C5: variants seen among roughly 807,000 people sequenced by gnomAD.
C5 encodes the protein complement C5, also known as C3 and PZP-like alpha-2-macroglobulin domain-containing protein 4.
C5 carries 140 observed loss-of-function variants against 218.8 expected under a neutral mutation model. The observed-to-expected ratio is 0.64, with a 90% confidence interval of 0.56 to 0.74. The LOEUF is 0.74. C5 is among the 30% of genes least tolerant of loss of function. The pLI is 0.00. For synonymous variants in C5, 614 were observed against 682.3 expected, an observed-to-expected ratio of 0.90 and a Z score of 1.56; for missense variants, 1,700 against 1,969.6, an observed-to-expected ratio of 0.86 and a Z score of 2.59.
intron 4 of C5, 109 bp downstream of exon 4, chr9:121,037,772 A>G (rs2047541128): frequency 1.7e-6 from 1 of 577,406 alleles, no homozygotes; most frequent in Non-Finnish European, 3.2e-6. Flanking sequence ...TTCAATAACC[A>G]TTTATGGAAC....
intron 17 of C5, among the ~76,000 whole-genome samples, chr9:121,011,490 G>C (rs2047261584): frequency 6.6e-6 from 1 of 152,116 alleles, no homozygotes; most frequent in Admixed American, 6.6e-5. Flanking sequence ...TGCTGGAGGG[G>C]ATGTGGAGAA....
chr9:121,044,547 T>C (rs1249724269), intron 2 of C5, among the ~76,000 whole-genome samples: 1 of 152,168 alleles, frequency 6.6e-6, no homozygotes, highest in Non-Finnish European at 1.5e-5. Flanking sequence ...TAGCACGTAA[T>C]AAATGAGATT....
chr9:120,994,093 T>G (rs2047098115), intron 22 of C5, among the ~76,000 whole-genome samples: 1 of 152,050 alleles, frequency 6.6e-6, no homozygotes, highest in African/African-American at 2.4e-5. Flanking sequence ...AAGCATTGAG[T>G]CTCTGTGTTT....
chr9:121,043,700 C>CTTTTTTTTTTT (rs34794535), intron 2 of C5, among the ~76,000 whole-genome samples: 3 of 120,662 alleles, frequency 2.5e-5, no homozygotes, highest in South Asian at 2.8e-4. Flanking sequence ...GTCCAGCTAA[C>CTTTTTTTTTTT]TTTTTTTTTT....
intron 3 of C5, among the ~76,000 whole-genome samples, chr9:121,039,148 G>C (rs2131811722): frequency 6.6e-6 from 1 of 152,236 alleles, no homozygotes; most frequent in African/African-American, 2.4e-5. Context: ...TAGTGTCCTT[G>C]TGAGAATTAA....
At chr9:120,973,613 T>C (rs1265626631) in intron 30 of C5, among the ~76,000 whole-genome samples, 1 of 152,264 alleles carries the variant, frequency 6.6e-6, no homozygotes, top group Non-Finnish European at 1.5e-5. Flanking sequence ...TGTTGGCATA[T>C]ATCTATGTCT....
At chr9:121,018,783 AAGGAAGGAAGGAAGG>A (rs2047338068) in intron 12 of C5, among the ~76,000 whole-genome samples, 1 of 149,412 alleles carries the variant, frequency 6.7e-6, no homozygotes, top group African/African-American at 2.5e-5. Context: ...GGAAGGAAGG[AAGGAAGGAAGGAAGG>A]AAGAAAGAGT....
At chr9:121,006,727 T>A (rs1004957136) in intron 19 of C5, among the ~76,000 whole-genome samples, 177 bp downstream of exon 19, 1 of 151,938 alleles carries the variant, frequency 6.6e-6, no homozygotes, top group African/African-American at 2.4e-5. Context: ...AAAGGAGAAA[T>A]CAATATGTTC....
chr9:121,015,288 A>G (rs1378219388), intron 15 of C5, 27 bp from the exon 16 acceptor site: 1 of 1,496,822 alleles, frequency 6.7e-7, no homozygotes, highest in Non-Finnish European at 9.3e-7. Context: ...AAGATAAAGA[A>G]GAAGGATTAA....
chr9:121,020,118 A>C lies in C5; in HGVS notation c.1364T>G (p.Ile455Arg), dbSNP rs779441798. ...ACTTTGGCTGAGAGATGAGTATGCT[A>C]TTGCTCGGTAACCTTCCCTGGCCTG... The part of the protein sequence containing the change: ...ENQAREGYRA[I>R]AYSSLSQSYL... The change falls in exon 12 of 41, where the codon ATA becomes AGA. Residue 455 changes from isoleucine to arginine, a missense_variant. By Grantham distance (97) the Ile-to-Arg change is moderately conservative. Coordinates refer to ENST00000223642, the MANE Select transcript of C5 (RefSeq NM_001735.3). 1.2e-6 allele frequency: 2 copies of C among 1,613,984 alleles called. No individual in the cohort carries two copies. The highest frequency in any genetic ancestry group is 2.2e-5 in the South Asian group (2 of 91,078).
chr9:121,017,555 A>G (rs780918579), intron 13 of C5, 44 bp from the exon 14 acceptor site: 1 of 1,608,970 alleles, frequency 6.2e-7, no homozygotes, highest in Admixed American at 1.7e-5. Context: ...CATTTGTATG[A>G]GACAAGACTT....
intron 1 of C5, 48 bp downstream of exon 1, chr9:121,050,134 G>A (rs375114243): frequency 1.6e-5 from 22 of 1,402,858 alleles, no homozygotes; most frequent in African/African-American, 2.8e-5. Flanking sequence ...CTCTTCATTC[G>A]TCATAACTAA....
Position 121,015,265 on chromosome 9 carries a change from GT to G in C5, c.1997-5del. 1.9e-6 allele frequency: 3 copies of G among 1,592,338 alleles called. No individual in the cohort carries two copies. The highest frequency in any genetic ancestry group is 1.7e-6 in the Non-Finnish European group (2 of 1,163,502). On this transcript the variant is annotated splice_region_variant and splice_polypyrimidine_tract_variant and intron_variant, in intron 15 of 40. Coordinates refer to ENST00000223642, the MANE Select transcript of C5 (RefSeq NM_001735.3). ...AGAATTTCTTTACAAGGTTCATCTGGTTTTTTTAAAAAAAGATAAAGAAGAA... is the reference window on the plus strand; with the variant it reads ...AGAATTTCTTTACAAGGTTCATCTGGTTTTTTAAAAAAAGATAAAGAAGAA...
In C5 at chr9:120,989,917, G is replaced by A. The variant is rs1587963822; in HGVS notation, c.2942-137C>T. On this transcript the variant is annotated intron_variant, in intron 23 of 40. Transcript: ENST00000223642. ...CAGTTGACTTGCTTCTCAGAAACGGGGTGAGAAAAAAAGATCCGGTTAGGA... is the reference window on the plus strand; with the variant it reads ...CAGTTGACTTGCTTCTCAGAAACGGAGTGAGAAAAAAAGATCCGGTTAGGA... The A allele has an allele frequency of 1.0e-5, 7 of 683,190 alleles. No individual in the cohort carries two copies. In the East Asian group the frequency reaches 1.9e-4, roughly 19 times the overall value. The allele number at this position is 683,190 out of a possible 1,614,324, so 42.3% of individuals were successfully genotyped here.
Position 120,989,771 on chromosome 9 carries a change from A to G in C5, c.2951T>C (p.Val984Ala). 2 of 1,613,890 alleles carry G rather than the reference A, an allele frequency of 1.2e-6. No individual in the cohort carries two copies. Among genetic ancestry groups the G allele is most frequent in the Non-Finnish European group, 1.7e-6 (2 of 1,179,766 alleles). ...TAGAACTGCAGACAAGATCTCACCTACAAGCAGTCCTGAAACAAAAAAGAT... is the reference window on the plus strand; with the variant it reads ...TAGAACTGCAGACAAGATCTCACCTGCAAGCAGTCCTGAAACAAAAAAGAT... ...KRILSVKGLL[V>A]GEILSAVLSQ... Residue 984 changes from valine (V) to alanine (A), a missense_variant, in exon 24 of 41, where the codon GTA becomes GCA. Val to Ala is a moderately conservative substitution (Grantham distance 64). Coordinates refer to ENST00000223642, the MANE Select transcript of C5 (RefSeq NM_001735.3).
chr9:120,967,259 C>CAAAAAAA (rs755173508), intron 33 of C5, among the ~76,000 whole-genome samples: 2 of 74,026 alleles, frequency 2.7e-5, no homozygotes, highest in Non-Finnish European at 6.9e-5. Context: ...AACTCCATCT[C>CAAAAAAA]AAAAAAAAAA....
In C5 at chr9:121,025,562, G is replaced by A. The variant is rs149346283; in HGVS notation, c.892C>T (p.Gln298Ter). ...QNTMLINGIA[Q>*]VTFDSETAVK... ...GCTGTTTCAGAATCAAATGTGACTT[G>A]AGCAATTCCATTTATCAACTTTTTA... The change falls in exon 9 of 41, where the codon CAA (glutamine) becomes TAA (stop). Residue 298 changes from glutamine (Q) to a stop codon, truncating the protein, a stop_gained. Transcript: ENST00000223642. LOFTEE classifies it high-confidence loss of function. 11 of 1,612,414 alleles carry A rather than the reference G, an allele frequency of 6.8e-6. No individual in the cohort carries two copies. The highest frequency in any genetic ancestry group is 8.5e-6 in the Non-Finnish European group (10 of 1,179,566).
intron 30 of C5, 63 bp from the exon 31 acceptor site, chr9:120,972,055 G>C (rs2046918892): frequency 7.1e-7 from 1 of 1,410,874 alleles, no homozygotes; most frequent in Non-Finnish European, 1.0e-6. Context: ...AGGGAGGATA[G>C]AGCTATGAAA....
Position 120,997,781 on chromosome 9 carries a change from T to C in C5, c.2563-7A>G, listed in dbSNP as rs766433757. The C allele has an allele frequency of 2.5e-6, 4 of 1,608,668 alleles. No homozygotes were observed. On this transcript the variant is annotated splice_polypyrimidine_tract_variant and splice_region_variant and intron_variant, in intron 20 of 40. Transcript: ENST00000223642. ...CAGACATTTTAACACAGAACTGAAATACAAGTGAAGAATTATATCAAAATA... is the reference window on the plus strand; with the variant it reads ...CAGACATTTTAACACAGAACTGAAACACAAGTGAAGAATTATATCAAAATA...
Sources: gnomAD v4.1 joint callset for allele counts (sites outside exome capture counted in the v4.1 genomes callset) on GRCh38, gnomAD v4.1.1 for gene constraint, MANE v1.5 for transcripts, NCBI Gene and HGNC (gene_info 2026-07-23, HGNC 2026-07-21) for gene names.